Variants in RBFOX1 observed in about 807,000 individuals in gnomAD.
RBFOX1 encodes the protein RNA binding fox-1 homolog 1.
A neutral mutation model predicts 57.7 loss-of-function variants in RBFOX1; 8 were observed. The ratio of observed to expected loss-of-function variants is 0.14; its 90% CI spans 0.08 to 0.25. RBFOX1 has a LOEUF of 0.25. Among genes scored for constraint, RBFOX1 ranks in the 10% least tolerant of loss-of-function variants. The pLI is 1.00. For missense variants in RBFOX1, 611 were observed against 548.5 expected, an observed-to-expected ratio of 1.11 and a Z score of -1.14; for synonymous variants, 326 against 222.4, an observed-to-expected ratio of 1.47 and a Z score of -4.15.
chr16:5,354,491 A>C (rs926421937), intron 1 of RBFOX1, among the ~76,000 whole-genome samples: 3 of 152,120 alleles, frequency 2.0e-5, no homozygotes, highest in African/African-American at 7.2e-5. Flanking sequence ...GCCTTCCCCA[A>C]CAGGGCTGCT....
rs927428832 is a variant in RBFOX1, at chr16:6,876,431, C to G, written c.-15-175626C>G. Among the ~76,000 whole-genome samples the G allele has an allele frequency of 8.4e-5, 5 of 59,358 alleles. No homozygotes were observed. The East Asian group carries it at 3.9e-3, about 47-fold the overall frequency. The allele number at this position is 59,358 out of a possible 152,430, so 38.9% of individuals were successfully genotyped here. On this transcript the variant is annotated intron_variant, in intron 3 of 15. Transcript: ENST00000550418. ...GTAAATTAGCTGAAACAAAGTCACT[C>G]TTAAAAATGAAGTGATATCAAAAAT... is the stretch of plus-strand genomic sequence containing the variant.
At chr16:6,006,213 C>A (rs1198754084) in intron 4 of RBFOX1, among the ~76,000 whole-genome samples, 6 of 152,176 alleles carry the variant, frequency 3.9e-5, no homozygotes, top group Admixed American at 2.0e-4. Flanking sequence ...CCTTCTCAGA[C>A]CAGATAGTTC....
intron 4 of RBFOX1, among the ~76,000 whole-genome samples, chr16:7,066,582 C>A (rs1333863616): frequency 6.6e-6 from 1 of 152,154 alleles, no homozygotes; most frequent in Non-Finnish European, 1.5e-5. Context: ...TTAACATCTA[C>A]CTTCTTGACC....
chr16:6,717,493 G>A (rs1326903445), intron 3 of RBFOX1, among the ~76,000 whole-genome samples: 1 of 152,014 alleles, frequency 6.6e-6, no homozygotes, highest in Non-Finnish European at 1.5e-5. Context: ...CTCCAAACTT[G>A]GAGGTTTAGA....
At chr16:6,624,033 GGTTGAACTA>G (rs1287993296) in intron 2 of RBFOX1, among the ~76,000 whole-genome samples, 1 of 152,160 alleles carries the variant, frequency 6.6e-6, no homozygotes, top group Non-Finnish European at 1.5e-5. Context: ...CTTCCACAAT[GGTTGAACTA>G]GTTTACAGTC....
intron 14 of RBFOX1, among the ~76,000 whole-genome samples, chr16:7,689,759 A>G (rs371819882): frequency 1.3e-5 from 2 of 152,192 alleles, no homozygotes; most frequent in South Asian, 2.1e-4. Context: ...GAGTAAATGC[A>G]TAAGAAGTGG....
At chr16:7,580,046 G>A (rs2093632509) in intron 6 of RBFOX1, 126 bp downstream of exon 6, 2 of 1,021,132 alleles carry the variant, frequency 2.0e-6, no homozygotes, top group African/African-American at 1.6e-5. Flanking sequence ...ACAATTTAGA[G>A]CCTAGTCTGC....
intron 4 of RBFOX1, among the ~76,000 whole-genome samples, chr16:7,162,705 G>A (rs1601530710): frequency 6.6e-6 from 1 of 152,016 alleles, no homozygotes; most frequent in Non-Finnish European, 1.5e-5. Context: ...CTCCACCCTG[G>A]GTAACAGAGT....
intron 4 of RBFOX1, among the ~76,000 whole-genome samples, chr16:7,185,305 C>G (rs1205791190): frequency 6.6e-6 from 1 of 152,114 alleles, no homozygotes; most frequent in Non-Finnish European, 1.5e-5. Context: ...AATGATTCTA[C>G]TGTACCCTGG....
At chr16:7,447,439 A>AC (rs1014763244) in intron 4 of RBFOX1, among the ~76,000 whole-genome samples, 6 of 151,570 alleles carry the variant, frequency 4.0e-5, no homozygotes, top group African/African-American at 1.5e-4. Context: ...TCAAAAAAAA[A>AC]AAAAAAAAAA....
chr16:6,368,687 C>T (rs149674713), intron 2 of RBFOX1, among the ~76,000 whole-genome samples: 3 of 152,254 alleles, frequency 2.0e-5, no homozygotes, highest in Admixed American at 6.5e-5. Context: ...GTTCATTCAC[C>T]ATTCATTGAA....
chr16:6,672,295 C>G (rs138976021), intron 3 of RBFOX1, among the ~76,000 whole-genome samples: 2 of 151,054 alleles, frequency 1.3e-5, no homozygotes, highest in Non-Finnish European at 2.9e-5. Flanking sequence ...AAATATACAT[C>G]CAATATAAAA....
chr16:6,734,307 T>A (rs1021852028), intron 3 of RBFOX1, among the ~76,000 whole-genome samples: 1 of 152,208 alleles, frequency 6.6e-6, no homozygotes, highest in South Asian at 2.1e-4. Context: ...ATATTTGCTT[T>A]GTTCAGAAGG....
At chr16:6,730,839 G>T (rs1240079629) in intron 3 of RBFOX1, among the ~76,000 whole-genome samples, 1 of 152,122 alleles carries the variant, frequency 6.6e-6, no homozygotes, top group African/African-American at 2.4e-5. Context: ...AGAGCCGCAA[G>T]GGGACTGTAC....
At chr16:5,836,611 C>T (rs1453791230) in intron 3 of RBFOX1, among the ~76,000 whole-genome samples, 3 of 152,202 alleles carry the variant, frequency 2.0e-5, no homozygotes, top group African/African-American at 7.2e-5. Flanking sequence ...CATTTCCCCA[C>T]CCTGTCCCAG....
chr16:6,812,628 C>G (rs1301030627), intron 3 of RBFOX1, among the ~76,000 whole-genome samples: 1 of 152,126 alleles, frequency 6.6e-6, no homozygotes, highest in African/African-American at 2.4e-5. Flanking sequence ...CCACCCGCCT[C>G]AGCCTACCAC....
intron 2 of RBFOX1, among the ~76,000 whole-genome samples, chr16:6,446,705 A>T (rs534425328): frequency 1.6e-4 from 25 of 152,180 alleles, no homozygotes; most frequent in Non-Finnish European, 3.4e-4. Context: ...GTTAATATAG[A>T]TTAAATAGAG....
intron 5 of RBFOX1, among the ~76,000 whole-genome samples, chr16:7,543,210 A>C (rs866423331): frequency 6.6e-6 from 1 of 152,198 alleles, no homozygotes; most frequent in Non-Finnish European, 1.5e-5. Context: ...GGAATGGCCA[A>C]TGGGAATATG....
chr16:5,318,307 T>A (rs2064299339), intron 1 of RBFOX1, among the ~76,000 whole-genome samples: 1 of 152,088 alleles, frequency 6.6e-6, no homozygotes, highest in South Asian at 2.1e-4. Flanking sequence ...TTTTGTATTT[T>A]TAGTAGAAAT....
Sources: gnomAD v4.1 joint callset for allele counts (sites outside exome capture counted in the v4.1 genomes callset) on GRCh38, gnomAD v4.1.1 for gene constraint, MANE v1.5 for transcripts, NCBI Gene and HGNC (gene_info 2026-07-23, HGNC 2026-07-21) for gene names.